The following INPP5F variants were observed in gnomAD, a reference collection of about 807,000 sequenced individuals.
The protein encoded by INPP5F is phosphatidylinositide 4-phosphatase SAC2.
A neutral mutation model predicts 137.2 loss-of-function variants in INPP5F; 97 were observed. That is an observed-to-expected ratio of 0.71 (90% CI 0.60 to 0.84). The LOEUF is 0.84. Ranked by LOEUF, INPP5F falls within the 40% of genes least tolerant of loss-of-function variation. The probability of loss-of-function intolerance (pLI) is 0.00; values close to 1 mark genes in which losing one functional copy is unlikely to be tolerated. For missense variants in INPP5F, 1,271 were observed against 1,371.9 expected (o/e 0.93, Z 1.16); for synonymous variants, 504 against 476.9 (o/e 1.06, Z -0.74).
intron 2 of INPP5F, among the ~76,000 whole-genome samples, chr10:119,764,566 C>G (rs1035513256): frequency 2.0e-5 from 3 of 151,646 alleles, no homozygotes; most frequent in Non-Finnish European, 4.4e-5. Flanking sequence ...AATACATTTT[C>G]TCTTCCTTAT....
chr10:119,781,249 G>C (rs766820603), intron 2 of INPP5F, among the ~76,000 whole-genome samples: 5 of 152,216 alleles, frequency 3.3e-5, no homozygotes, highest in Non-Finnish European at 5.9e-5. Context: ...AAAGGTAAGT[G>C]CATTTGTTGT....
intron 1 of INPP5F, among the ~76,000 whole-genome samples, chr10:119,743,468 G>A (rs1008105594): frequency 1.3e-5 from 2 of 152,144 alleles, no homozygotes; most frequent in Non-Finnish European, 2.9e-5. Context: ...CAGGGTTTAG[G>A]GGATCCACAC....
At chr10:119,793,588 A>G (rs1480673434) in intron 6 of INPP5F, 1 of 152,284 alleles carries the variant, frequency 6.6e-6, no homozygotes, top group Admixed American at 6.5e-5. Context: ...GTCTCTGCAG[A>G]TAATAAGTTG....
chr10:119,791,009 C>T (rs1033389849), intron 3 of INPP5F, among the ~76,000 whole-genome samples: 3 of 152,142 alleles, frequency 2.0e-5, no homozygotes, highest in Non-Finnish European at 4.4e-5. Context: ...TGCATGTGAG[C>T]GTAGGAGGAG....
At chr10:119,763,959 AT>A (rs1849080641) in intron 2 of INPP5F, among the ~76,000 whole-genome samples, 2 of 152,152 alleles carry the variant, frequency 1.3e-5, no homozygotes, top group African/African-American at 4.8e-5. Flanking sequence ...TCATCTCCAT[AT>A]TGTCCAATAA....
chr10:119,783,502 T>C (rs542278097), intron 3 of INPP5F, among the ~76,000 whole-genome samples: 7 of 152,330 alleles, frequency 4.6e-5, no homozygotes, highest in East Asian at 3.9e-4. Context: ...CCAGAAAAGG[T>C]TGGGACCTTT....
chr10:119,827,250 G>T lies in INPP5F; in HGVS notation c.2869G>T (p.Asp957Tyr), dbSNP rs1851802298. The change falls in exon 20 of 20, where the codon GAT (aspartate) becomes TAT (tyrosine). Residue 957 changes from aspartate (D) to tyrosine (Y), a missense_variant. Physicochemically the swap from Asp to Tyr is radical, Grantham distance 160. Coordinates refer to ENST00000650623, the MANE Select transcript of INPP5F (RefSeq NM_014937.4). ...ATTGACTGGCTTTGCCAAGCCTATG[G>T]ATATTTACTGCCACAGATTTGTGCA... ...HILTGFAKPM[D>Y]IYCHRFVQDA... The T allele has an allele frequency of 6.2e-7, 1 of 1,613,994 alleles. No homozygotes were observed. The highest frequency in any genetic ancestry group is 1.7e-5 in the Admixed American group (1 of 59,986).
At chr10:119,747,814 G>C (rs1437549020) in intron 1 of INPP5F, among the ~76,000 whole-genome samples, 5 of 152,116 alleles carry the variant, frequency 3.3e-5, no homozygotes, top group African/African-American at 1.2e-4. Flanking sequence ...GTGGAAAATT[G>C]TGTCACCATG....
chr10:119,753,062 G>A (rs892629962), intron 2 of INPP5F, among the ~76,000 whole-genome samples: 4 of 151,986 alleles, frequency 2.6e-5, no homozygotes, highest in African/African-American at 4.8e-5. Flanking sequence ...GCACTTAGTC[G>A]TTGAGTAACC....
At chr10:119,757,826 T>C (rs1848895803) in intron 2 of INPP5F, among the ~76,000 whole-genome samples, 1 of 152,156 alleles carries the variant, frequency 6.6e-6, no homozygotes, top group Non-Finnish European at 1.5e-5. Flanking sequence ...CATATCACAA[T>C]TGTAATTACA....
chr10:119,784,047 C>A (rs772867891), intron 3 of INPP5F, among the ~76,000 whole-genome samples: 2 of 152,188 alleles, frequency 1.3e-5, no homozygotes, highest in South Asian at 2.1e-4. Context: ...GGTAAAGGAA[C>A]TTTGCAACAG....
intron 1 of INPP5F, among the ~76,000 whole-genome samples, chr10:119,733,904 G>C (rs1275828775): frequency 1.3e-5 from 2 of 152,168 alleles, no homozygotes; most frequent in African/African-American, 4.8e-5. Context: ...CCCATAACAG[G>C]TTTTTTGTGA....
Position 119,748,495 on chromosome 10 carries a change from A to T in INPP5F, c.98-2581A>T, listed in dbSNP as rs569865926. Among the ~76,000 whole-genome samples the T allele has an allele frequency of 3.3e-5, 5 of 152,260 alleles. 1 individual carries two copies. Among genetic ancestry groups the T allele is most frequent in the African/African-American group, 1.2e-4 (5 of 41,564 alleles). ...GTCCCGTGTCCAGGAAGAATGAGGT[A>T]TGCAAGGTATGTGGACAACTGGAGG... is the stretch of plus-strand genomic sequence containing the variant. On this transcript the variant is annotated intron_variant, in intron 1 of 19. Coordinates refer to ENST00000650623, the MANE Select transcript of INPP5F (RefSeq NM_014937.4). The surrounding 1 kb of genome is among the most constrained non-coding windows in gnomAD (Gnocchi z 4.7).
intron 2 of INPP5F, among the ~76,000 whole-genome samples, chr10:119,753,333 G>A (rs925614814): frequency 3.3e-5 from 5 of 152,198 alleles, no homozygotes; most frequent in Non-Finnish European, 7.4e-5. Context: ...TGAGATATAG[G>A]AGAAGCTGCC....
chr10:119,777,395 G>A (rs1219650876), intron 2 of INPP5F, among the ~76,000 whole-genome samples: 1 of 152,110 alleles, frequency 6.6e-6, no homozygotes, highest in Non-Finnish European at 1.5e-5. Context: ...GCGTGGTGGC[G>A]GGCGCCTGTA....
chr10:119,817,924 C>T (rs1408882559), intron 15 of INPP5F, among the ~76,000 whole-genome samples: 1 of 152,222 alleles, frequency 6.6e-6, no homozygotes, highest in East Asian at 1.9e-4. Flanking sequence ...CCTCACTCAC[C>T]TCACTGCAGT....
chr10:119,737,314 C>A (rs1564799889), intron 1 of INPP5F, among the ~76,000 whole-genome samples: 1 of 152,154 alleles, frequency 6.6e-6, no homozygotes. Context: ...GTGCTACAGG[C>A]ATCATCTTTC....
intron 8 of INPP5F, 55 bp downstream of exon 8, chr10:119,797,695 T>C: frequency 7.3e-7 from 1 of 1,369,232 alleles, no homozygotes; most frequent in East Asian, 2.5e-5. Context: ...GAATAGTTTT[T>C]AAGAAATTAG....
At chr10:119,822,798 C>T (rs1851616021) in intron 17 of INPP5F, among the ~76,000 whole-genome samples, 1 of 152,168 alleles carries the variant, frequency 6.6e-6, no homozygotes, top group East Asian at 1.9e-4. Context: ...CCTTTCTATT[C>T]ATTATAGGTT....
Sources: allele counts gnomAD v4.1 joint callset (sites outside exome capture counted in the v4.1 genomes callset), GRCh38; gene constraint gnomAD v4.1.1; non-coding constraint Gnocchi (gnomAD v3.1); transcripts MANE v1.5; gene names NCBI Gene and HGNC (gene_info 2026-07-23, HGNC 2026-07-21).